CLNK: variants seen among roughly 807,000 people sequenced by gnomAD.
The protein encoded by CLNK is cytokine-dependent hematopoietic cell linker.
A neutral mutation model predicts 68.6 loss-of-function variants in CLNK; 74 were observed. The observed-to-expected ratio is 1.08, with a 90% CI of 0.89 to 1.31. The LOEUF (loss-of-function observed/expected upper bound fraction) is 1.31, where lower values mean the gene tolerates loss of function less well. CLNK is among the 50% of genes most tolerant of loss of function. CLNK has a pLI of 0.00. For synonymous variants in CLNK, 198 were observed against 172.2 expected (o/e 1.15, Z -1.17); for missense variants, 553 against 515.3 (o/e 1.07, Z -0.71).
chr4:10,514,767 A>C (rs1042441076), intron 15 of CLNK, among the ~76,000 whole-genome samples: 2 of 151,452 alleles, frequency 1.3e-5, no homozygotes, highest in Non-Finnish European at 2.9e-5. Flanking sequence ...TAATTAAACT[A>C]AAGAGCTTCT....
At chr4:10,665,662 CAAAAAAA>C (rs57998581) in intron 2 of CLNK, among the ~76,000 whole-genome samples, 1 of 62,876 alleles carries the variant, frequency 1.6e-5, no homozygotes, top group Non-Finnish European at 3.0e-5. Context: ...GACTTCGTCT[CAAAAAAA>C]AAAAAAAAAA....
Position 10,584,955 on chromosome 4 carries a change from C to T in CLNK, c.84G>A (p.Arg28=). 1.2e-6 allele frequency: 2 copies of T among 1,613,664 alleles called. No homozygotes were observed. Among genetic ancestry groups the T allele is most frequent in the Non-Finnish European group, 1.7e-6 (2 of 1,179,802 alleles). Residue 28 remains arginine, a splice_region_variant and synonymous_variant, in exon 4 of 19, where the codon AGG becomes AGA. Transcript: ENST00000226951. ...TGGCACTATTGATGCGAGGCCATGA[C>T]CTAGGGCAGAAAAGAGAACCAAGTT... is the stretch of plus-strand genomic sequence containing the variant. ...KFQNFSLPKN[R]SWPRINSATG... is the part of the protein sequence containing the mutation.
At chr4:10,504,405 C>G (rs1248501299) in intron 17 of CLNK, among the ~76,000 whole-genome samples, 1 of 152,110 alleles carries the variant, frequency 6.6e-6, no homozygotes, top group African/African-American at 2.4e-5. Context: ...CAGGCGTGAG[C>G]CACTGCGTGC....
intron 17 of CLNK, among the ~76,000 whole-genome samples, chr4:10,502,728 T>A (rs1270017426): frequency 6.6e-6 from 1 of 151,966 alleles, no homozygotes; most frequent in Non-Finnish European, 1.5e-5. Flanking sequence ...TTTTAAGTCA[T>A]GGATATCAAA....
intron 17 of CLNK, 26 bp from the exon 18 acceptor site, chr4:10,501,437 C>T: frequency 6.2e-7 from 1 of 1,600,862 alleles, no homozygotes; most frequent in Non-Finnish European, 8.5e-7. Flanking sequence ...TAACAGTCAT[C>T]TTTTCAGACA....
chr4:10,607,201 A>C (rs963644241), intron 2 of CLNK, among the ~76,000 whole-genome samples: 2 of 152,210 alleles, frequency 1.3e-5, no homozygotes, highest in Non-Finnish European at 1.5e-5. Context: ...GGAGCTCACA[A>C]GAGTCGAGCA....
intron 2 of CLNK, among the ~76,000 whole-genome samples, chr4:10,631,799 G>A (rs1011267224): frequency 4.6e-5 from 7 of 152,214 alleles, no homozygotes; most frequent in African/African-American, 1.7e-4. Flanking sequence ...TGACATAGAA[G>A]TTACCTTTAC....
chr4:10,491,061 G>C (rs3762899), intron 18 of CLNK, among the ~76,000 whole-genome samples: 1 of 152,352 alleles, frequency 6.6e-6, no homozygotes, highest in East Asian at 1.9e-4. Flanking sequence ...CACCACGCCT[G>C]ACCGGAAGTA....
intron 2 of CLNK, among the ~76,000 whole-genome samples, chr4:10,643,101 G>T (rs1347380140): frequency 6.6e-6 from 1 of 152,162 alleles, no homozygotes; most frequent in African/African-American, 2.4e-5. Context: ...GGCTGTGTGT[G>T]ACCCTCGCCT....
intron 2 of CLNK, among the ~76,000 whole-genome samples, chr4:10,600,792 C>A (rs191905274): frequency 6.6e-6 from 1 of 152,168 alleles, no homozygotes; most frequent in Non-Finnish European, 1.5e-5. Context: ...CTGGCCTATC[C>A]CTGCACTGAG....
the CLNK span, among the ~76,000 whole-genome samples, chr4:10,694,672 C>T: frequency 6.6e-6 from 1 of 152,072 alleles, no homozygotes; most frequent in African/African-American, 2.4e-5. Flanking sequence ...ATGAAATCAC[C>T]TAACGATGCA....
the CLNK span, among the ~76,000 whole-genome samples, chr4:10,699,513 T>TG: frequency 0.62 from 37,950 of 61,474 alleles, 10,982 homozygotes; most frequent in Admixed American, 0.7. Context: ...TATATATATA[T>TG]TTTTTTTTTT....
chr4:10,644,223 C>T (rs975170576), intron 2 of CLNK, among the ~76,000 whole-genome samples: 6 of 152,196 alleles, frequency 3.9e-5, no homozygotes, highest in African/African-American at 9.6e-5. Context: ...TCTTCAGGCA[C>T]AAGCTTTGCT....
chr4:10,507,179 T>G (rs1560192702), intron 17 of CLNK, among the ~76,000 whole-genome samples: 1 of 151,808 alleles, frequency 6.6e-6, no homozygotes, highest in Non-Finnish European at 1.5e-5. Flanking sequence ...TGGCACAATC[T>G]CGGCTCACAG....
At chr4:10,716,515 C>T in the CLNK span, among the ~76,000 whole-genome samples, 1 of 152,008 alleles carries the variant, frequency 6.6e-6, no homozygotes, top group Admixed American at 6.6e-5. Flanking sequence ...ACCTAAAAAA[C>T]AACAAGGTGG....
At chr4:10,702,656 T>A in the CLNK span, among the ~76,000 whole-genome samples, 1 of 152,332 alleles carries the variant, frequency 6.6e-6, no homozygotes, top group Non-Finnish European at 1.5e-5. Flanking sequence ...GTCCAAGTCC[T>A]CCAGATGCCA....
At chr4:10,710,455 G>A in the CLNK span, among the ~76,000 whole-genome samples, 11 of 152,164 alleles carry the variant, frequency 7.2e-5, no homozygotes, top group Non-Finnish European at 1.2e-4. Flanking sequence ...TCTGGAATGC[G>A]TTCCTTATCA....
intron 18 of CLNK, among the ~76,000 whole-genome samples, chr4:10,491,753 T>C (rs1716582133): frequency 6.7e-6 from 1 of 148,568 alleles, no homozygotes; most frequent in African/African-American, 2.5e-5. Context: ...TTGAGAAGAC[T>C]TGAGCATATA....
chr4:10,550,482 G>C lies in CLNK; in HGVS notation c.445+7925C>G, dbSNP rs936863342. ...TGCACTCCAGCCTGGGCGGCACAGGGAGACTCTGTCTCAAAAAAAATAAAT... is the reference window on the plus strand; with the variant it reads ...TGCACTCCAGCCTGGGCGGCACAGGCAGACTCTGTCTCAAAAAAAATAAAT... On this transcript the variant is annotated intron_variant, in intron 8 of 18. Transcript: ENST00000226951. Among the ~76,000 whole-genome samples the C allele has an allele frequency of 2.0e-5, 3 of 152,188 alleles. No individual in the cohort carries two copies. In the East Asian group the frequency reaches 5.8e-4, roughly 29 times the overall value.
Sources: allele counts gnomAD v4.1 joint callset (sites outside exome capture counted in the v4.1 genomes callset), GRCh38; gene constraint gnomAD v4.1.1; transcripts MANE v1.5; gene names NCBI Gene and HGNC (gene_info 2026-07-23, HGNC 2026-07-21).